PMFBP1: variants seen among roughly 807,000 people sequenced by gnomAD.
PMFBP1 encodes the protein polyamine-modulated factor 1-binding protein 1.
Under a neutral mutation model 137.8 loss-of-function variants are expected in PMFBP1, and 131 were observed. The ratio of observed to expected loss-of-function variants is 0.95; its 90% CI spans 0.82 to 1.10. PMFBP1 has a LOEUF of 1.10. Among genes scored for constraint, PMFBP1 ranks in the 50% least tolerant of loss-of-function variants. The pLI, the probability that PMFBP1 is intolerant of heterozygous loss-of-function variation, is 0.00. For synonymous variants in PMFBP1, 490 were observed against 450.4 expected (o/e 1.09, Z -1.11); for missense variants, 1,199 against 1,175.4 (o/e 1.02, Z -0.29).
intron 6 of PMFBP1, 103 bp downstream of exon 6, chr16:72,140,309 C>T (rs558799086): frequency 8.2e-7 from 1 of 1,223,774 alleles, no homozygotes; most frequent in South Asian, 1.4e-5. Context: ...TTTGAGGATT[C>T]TCGGCGAAAA....
chr16:72,125,076 G>A, intron 16 of PMFBP1, 142 bp from the exon 17 acceptor site: 2 of 1,370,914 alleles, frequency 1.5e-6, no homozygotes, highest in South Asian at 2.8e-5. Context: ...GGGCACCCAT[G>A]CTCCGATCTT....
intron 2 of PMFBP1, among the ~76,000 whole-genome samples, chr16:72,170,802 G>C (rs1035657672): frequency 6.6e-6 from 1 of 152,180 alleles, no homozygotes; most frequent in Non-Finnish European, 1.5e-5. Context: ...CAGATAAAGA[G>C]AGAATGTTAG....
the PMFBP1 span, among the ~76,000 whole-genome samples, chr16:72,247,027 G>C: frequency 6.6e-6 from 1 of 152,208 alleles, no homozygotes; most frequent in Non-Finnish European, 1.5e-5. Flanking sequence ...GACGATGAAA[G>C]CAGGAAGCTG....
chr16:72,140,560 T>A lies in PMFBP1; in HGVS notation c.659A>T (p.His220Leu), dbSNP rs771576552. The A allele has an allele frequency of 6.2e-7, 1 of 1,613,918 alleles. No homozygotes were observed. Among genetic ancestry groups the A allele is most frequent in the Admixed American group, 1.7e-5 (1 of 60,032 alleles). ...MGQEPENKGD[H>L]SKVRIYTSPC... ...AGAAGTGTATATCCGTACCTTTGAA[T>A]GATCACCCTTGTTCTCAGGCTCCTG... The change falls in exon 6 of 21, where the codon CAT becomes CTT. Residue 220 changes from histidine to leucine, a missense_variant. Transcript: ENST00000237353.
At chr16:72,212,015 A>G in the PMFBP1 span, among the ~76,000 whole-genome samples, 32 of 152,218 alleles carry the variant, frequency 2.1e-4, no homozygotes, top group African/African-American at 7.5e-4. Flanking sequence ...TTTTTTTCTA[A>G]AATTAAAAAA....
chr16:72,119,687 C>T (rs1336737600), intron 20 of PMFBP1, 164 bp downstream of exon 20: 2 of 1,458,640 alleles, frequency 1.4e-6, no homozygotes, highest in African/African-American at 1.4e-5. Flanking sequence ...TCTTAATTTG[C>T]CTCCTCCCTT....
At chr16:72,183,278 G>A in the PMFBP1 span, among the ~76,000 whole-genome samples, 1 of 152,202 alleles carries the variant, frequency 6.6e-6, no homozygotes, top group African/African-American at 2.4e-5. Flanking sequence ...AGGCATATTA[G>A]TTGCCTAGGG....
At chr16:72,170,442 G>T (rs2144529377) in intron 2 of PMFBP1, among the ~76,000 whole-genome samples, 1 of 152,168 alleles carries the variant, frequency 6.6e-6, no homozygotes, top group African/African-American at 2.4e-5. Flanking sequence ...TGCTGCTGTT[G>T]TTGTTGTTTG....
chr16:72,125,937 C>T (rs755645334), intron 15 of PMFBP1, 31 bp downstream of exon 15: 1 of 1,603,336 alleles, frequency 6.2e-7, no homozygotes, highest in South Asian at 1.1e-5. Context: ...TGCCTGAAAA[C>T]AGCCCTGGAG....
intron 19 of PMFBP1, 127 bp downstream of exon 19, chr16:72,122,787 G>T (rs545207829): frequency 3.9e-6 from 3 of 776,772 alleles, no homozygotes; most frequent in East Asian, 2.6e-5. Flanking sequence ...AGACCTGGGG[G>T]TCTTTCCAAA....
In PMFBP1 at chr16:72,130,203, C is replaced by T. The variant is rs1483896988; in HGVS notation, c.1782+10G>A. 3 of 1,611,000 alleles carry T rather than the reference C, an allele frequency of 1.9e-6. No homozygotes were observed. The highest frequency in any genetic ancestry group is 1.3e-5 in the African/African-American group (1 of 75,002). On this transcript the variant is annotated intron_variant, in intron 12 of 20. Transcript: ENST00000237353. ...AGCACTTGAATGGGCCATCTGCCTG[C>T]CCGTCATACCTGGTGCTTGATACGA...
chr16:72,129,337 G>A, intron 12 of PMFBP1, 104 bp from the exon 13 acceptor site: 1 of 1,318,410 alleles, frequency 7.6e-7, no homozygotes, highest in Non-Finnish European at 1.0e-6. Context: ...TGAAGAAGAA[G>A]ACAATTCCTT....
intron 2 of PMFBP1, among the ~76,000 whole-genome samples, chr16:72,166,830 T>C (rs925356440): frequency 6.6e-6 from 1 of 152,246 alleles, no homozygotes; most frequent in African/African-American, 2.4e-5. Flanking sequence ...TCTCTGCCCC[T>C]GTAGGCAAAG....
intron 2 of PMFBP1, among the ~76,000 whole-genome samples, chr16:72,167,864 A>T (rs1432286652): frequency 2.0e-5 from 3 of 152,236 alleles, no homozygotes; most frequent in Admixed American, 2.0e-4. Context: ...GCTCACTAAC[A>T]AAATGCCAAC....
chr16:72,197,764 C>A, the PMFBP1 span, among the ~76,000 whole-genome samples: 1 of 152,118 alleles, frequency 6.6e-6, no homozygotes, highest in Admixed American at 6.5e-5. Flanking sequence ...AGAACCTTAG[C>A]GAGAAGCTGA....
At chr16:72,232,582 T>A in the PMFBP1 span, among the ~76,000 whole-genome samples, 1 of 152,190 alleles carries the variant, frequency 6.6e-6, no homozygotes, top group Non-Finnish European at 1.5e-5. Flanking sequence ...AGAAGACACA[T>A]TTAACATGAC....
chr16:72,183,702 C>T, the PMFBP1 span, among the ~76,000 whole-genome samples: 2 of 152,088 alleles, frequency 1.3e-5, no homozygotes, highest in African/African-American at 4.8e-5. Flanking sequence ...ACAACTAAAC[C>T]CATAACAGTA....
intron 5 of PMFBP1, among the ~76,000 whole-genome samples, chr16:72,143,081 G>T (rs879656566): frequency 4.6e-5 from 7 of 152,138 alleles, no homozygotes; most frequent in Non-Finnish European, 8.8e-5. Flanking sequence ...CTGCTTCATT[G>T]ATGGATAGAT....
At chr16:72,127,005 GA>G (rs983919926) in intron 14 of PMFBP1, among the ~76,000 whole-genome samples, 1 of 152,208 alleles carries the variant, frequency 6.6e-6, no homozygotes, top group Non-Finnish European at 1.5e-5. Context: ...GACACACACA[GA>G]AACTAGCCTT....
Sources: gnomAD v4.1 joint callset for allele counts (sites outside exome capture counted in the v4.1 genomes callset) on GRCh38, gnomAD v4.1.1 for gene constraint, MANE v1.5 for transcripts, NCBI Gene and HGNC (gene_info 2026-07-23, HGNC 2026-07-21) for gene names.